ABCG5: variants seen among roughly 807,000 people sequenced by gnomAD.
The protein encoded by ABCG5 is ATP-binding cassette sub-family G member 5.
In ABCG5, 64 loss-of-function variants were observed where a neutral mutation model predicts 64.5. That is an observed-to-expected ratio of 0.99 (90% CI 0.81 to 1.22). The LOEUF (loss-of-function observed/expected upper bound fraction) is 1.22. Among genes scored for constraint, ABCG5 ranks in the 50% most tolerant of loss-of-function variants. ABCG5 has a pLI of 0.00. For synonymous variants in ABCG5, 385 were observed against 326.3 expected, an observed-to-expected ratio of 1.18 and a Z score of -1.94; for missense variants, 908 against 829.5, an observed-to-expected ratio of 1.09 and a Z score of -1.16.
downstream of ABCG5, among the ~76,000 whole-genome samples, chr2:43,811,209 T>C (rs1324108952): frequency 3.3e-5 from 5 of 152,222 alleles, no homozygotes; most frequent in East Asian, 9.6e-4. Context: ...TCCAGAATTG[T>C]CTATAACTGA....
downstream of ABCG5, among the ~76,000 whole-genome samples, chr2:43,811,086 T>C (rs1018818603): frequency 3.3e-5 from 5 of 152,198 alleles, no homozygotes; most frequent in African/African-American, 1.2e-4. Context: ...ATATGAATAG[T>C]AGAAAATGTT....
chr2:43,818,493 C>T (rs1438405196), intron 11 of ABCG5, among the ~76,000 whole-genome samples: 1 of 152,110 alleles, frequency 6.6e-6, no homozygotes, highest in Non-Finnish European at 1.5e-5. Flanking sequence ...ACGAGTATCA[C>T]TTTCTCAAAA....
Position 43,838,734 on chromosome 2 carries a change from G to C in ABCG5, c.-55C>G, listed in dbSNP as rs934650272. On this transcript the variant is annotated 5_prime_UTR_variant, in exon 1 of 13. Coordinates refer to ENST00000405322, the MANE Select transcript of ABCG5 (RefSeq NM_022436.3). This position sits in a 1 kb window ranked among gnomAD's most constrained non-coding sequence, Gnocchi z 4.2. ...TTCTGGTGGCCGGACCCTCCCCAGA[G>C]TGGCTTCAGTTGGGGAGCCCGTGGC... 1.9e-5 allele frequency: 31 copies of C among 1,598,738 alleles called. No individual in the cohort carries two copies. The highest frequency in any genetic ancestry group is 2.5e-5 in the Non-Finnish European group (29 of 1,173,436).
At chr2:43,838,987 C>T (rs1232549199), upstream of ABCG5, 1 of 1,490,490 alleles carries the variant, frequency 6.7e-7, no homozygotes, top group African/African-American at 1.4e-5. The surrounding 1 kb of genome is among the most constrained non-coding windows in gnomAD (Gnocchi z 4.2). Context: ...AGTGAAGACA[C>T]TGGCCCTGGC....
rs769836264 is a variant in ABCG5 at position 43,838,627 on chromosome 2, T to C, written c.53A>G (p.Asn18Ser). The C allele has an allele frequency of 1.2e-6, 2 of 1,613,282 alleles. No individual in the cohort carries two copies. Among genetic ancestry groups the C allele is most frequent in the South Asian group, 1.1e-5 (1 of 90,962 alleles). ...TPGGSMGLQV[N>S]RGSQSSLEGA... ...CTCCAGGGAGCTCTGGGAGCCTCTG[T>C]TTACTTGGAGACCCATGGACCCTCC... The change falls in exon 1 of 13, where the codon AAC becomes AGC. Residue 18 changes from asparagine to serine, a missense_variant. Asn to Ser is a conservative substitution (Grantham distance 46). Transcript: ENST00000405322. This position sits in a 1 kb window ranked among gnomAD's most constrained non-coding sequence, Gnocchi z 4.2.
intron 6 of ABCG5, 64 bp downstream of exon 6, chr2:43,826,318 C>G: frequency 6.2e-7 from 1 of 1,610,516 alleles, no homozygotes; most frequent in Non-Finnish European, 8.5e-7. Flanking sequence ...AAATCTTGCC[C>G]CTGCCCCTGT....
chr2:43,837,655 C>G (rs148249445), intron 2 of ABCG5, among the ~76,000 whole-genome samples, 179 bp downstream of exon 2: 14 of 152,276 alleles, frequency 9.2e-5, no homozygotes, highest in African/African-American at 3.1e-4. Context: ...GAATTTTATA[C>G]TCTTTCAAGG....
intron 6 of ABCG5, 54 bp from the exon 7 acceptor site, chr2:43,825,072 TTGAA>T: frequency 5.6e-6 from 9 of 1,602,316 alleles, no homozygotes; most frequent in Non-Finnish European, 7.7e-6. Context: ...GCGATGCACT[TTGAA>T]TGTCTCTGGG....
At chr2:43,814,678 A>G (rs1203055067) in intron 11 of ABCG5, 89 bp from the exon 12 acceptor site, 2 of 771,680 alleles carry the variant, frequency 2.6e-6, no homozygotes, top group African/African-American at 3.5e-5. Flanking sequence ...ATATTTTCCA[A>G]CAGGAATATA....
intron 4 of ABCG5, chr2:43,828,375 C>T (rs760124962): frequency 2.0e-6 from 1 of 491,044 alleles, no homozygotes; most frequent in South Asian, 2.0e-5. Flanking sequence ...GTGGCTCATG[C>T]CTGTAATCCC....
At chr2:43,806,644 A>G in the ABCG5 span, among the ~76,000 whole-genome samples, 1 of 152,212 alleles carries the variant, frequency 6.6e-6, no homozygotes, top group Non-Finnish European at 1.5e-5. Context: ...GTTGTTGTTG[A>G]TAAGAATATC....
At chr2:43,813,441 A>G (rs1056837256) in intron 12 of ABCG5, 132 bp from the exon 13 acceptor site, 23 of 717,286 alleles carry the variant, frequency 3.2e-5, no homozygotes, top group African/African-American at 2.4e-4. Flanking sequence ...AGAGTTTACA[A>G]TTTGATGAAG....
At chr2:43,836,133 G>A (rs554969249) in intron 2 of ABCG5, among the ~76,000 whole-genome samples, 2 of 152,090 alleles carry the variant, frequency 1.3e-5, no homozygotes, top group South Asian at 4.2e-4. Flanking sequence ...GTAGAGACGG[G>A]TTTTGCCATG....
intron 2 of ABCG5, among the ~76,000 whole-genome samples, chr2:43,837,133 T>G (rs916394551): frequency 2.0e-5 from 3 of 151,764 alleles, no homozygotes. Context: ...TTTTTTTTTT[T>G]TTTTGAGACA....
At chr2:43,819,779 G>A (rs1667068443) in intron 11 of ABCG5, 136 bp downstream of exon 11, 2 of 938,834 alleles carry the variant, frequency 2.1e-6, no homozygotes, top group Non-Finnish European at 3.4e-6. Context: ...TTAACGAGCA[G>A]TATAAATGCT....
At position 43,825,405 on chromosome 2, in the gene ABCG5, T is replaced by C. The variant is rs534264254; in HGVS notation, c.775-387A>G. ...TGTTTTTTTGTTTTCATTTTAAATCTCAGCTCCTCCTCTGTAAAAAGCAAA... is the reference window on the plus strand; with the variant it reads ...TGTTTTTTTGTTTTCATTTTAAATCCCAGCTCCTCCTCTGTAAAAAGCAAA... On this transcript the variant is annotated intron_variant, in intron 6 of 12. Coordinates refer to ENST00000405322, the MANE Select transcript of ABCG5 (RefSeq NM_022436.3). Among the ~76,000 whole-genome samples the C allele has an allele frequency of 4.6e-5, 7 of 152,244 alleles. No homozygotes were observed. The East Asian group carries it at 1.4e-3, about 30-fold the overall frequency.
intron 11 of ABCG5, among the ~76,000 whole-genome samples, chr2:43,818,314 C>T (rs900294476): frequency 6.6e-6 from 1 of 151,980 alleles, no homozygotes; most frequent in Non-Finnish European, 1.5e-5. Flanking sequence ...CATGGTGGCG[C>T]ACACCTGTAA....
At chr2:43,827,503 G>T (rs1265097903) in intron 5 of ABCG5, among the ~76,000 whole-genome samples, 1 of 152,106 alleles carries the variant, frequency 6.6e-6, no homozygotes, top group Non-Finnish European at 1.5e-5. Flanking sequence ...AGGTGATGGG[G>T]AAAATGACCA....
intron 2 of ABCG5, 133 bp from the exon 3 acceptor site, chr2:43,832,216 A>G: frequency 8.0e-7 from 1 of 1,242,766 alleles, no homozygotes; most frequent in Admixed American, 2.0e-5. Context: ...CTAGGTGTTA[A>G]GGACACAGCA....
Sources: allele counts gnomAD v4.1 joint callset (sites outside exome capture counted in the v4.1 genomes callset), GRCh38; gene constraint gnomAD v4.1.1; non-coding constraint Gnocchi (gnomAD v3.1); transcripts MANE v1.5; gene names NCBI Gene and HGNC (gene_info 2026-07-23, HGNC 2026-07-21).